The following CFDP1 variants were observed in gnomAD, a reference collection of about 807,000 sequenced individuals.
The protein encoded by CFDP1 is chromatin remodeling protein CFDP1.
A neutral mutation model predicts 40.1 loss-of-function variants in CFDP1; 31 were observed. The observed-to-expected ratio is 0.77, with a 90% CI of 0.58 to 1.04. The LOEUF (loss-of-function observed/expected upper bound fraction) is 1.04, where lower values mean the gene tolerates loss of function less well. CFDP1 is among the 50% of genes least tolerant of loss of function. CFDP1 has a pLI of 0.00. For missense variants in CFDP1, 423 were observed against 343.4 expected, an observed-to-expected ratio of 1.23 and a Z score of -1.83; for synonymous variants, 167 against 120.0, an observed-to-expected ratio of 1.39 and a Z score of -2.56.
chr16:75,296,320 C>T (rs1265894380), intron 6 of CFDP1, among the ~76,000 whole-genome samples: 2 of 152,140 alleles, frequency 1.3e-5, no homozygotes, highest in African/African-American at 4.8e-5. Flanking sequence ...TCACTGCAGC[C>T]TCGACCTCTC....
chr16:75,414,642 C>T lies in CFDP1; in HGVS notation c.118G>A (p.Asp40Asn), dbSNP rs759527116. The T allele has an allele frequency of 6.2e-7, 1 of 1,613,858 alleles. No homozygotes were observed. Among genetic ancestry groups the T allele is most frequent in the Non-Finnish European group, 8.5e-7 (1 of 1,179,860 alleles). Residue 40 changes from aspartate to asparagine, a missense_variant, in exon 2 of 7, where the codon GAT becomes AAT. By Grantham distance (23) the Asp-to-Asn change is conservative. Coordinates refer to ENST00000283882, the MANE Select transcript of CFDP1 (RefSeq NM_006324.3). ...GTTTTCTGTGTCTGCTCTTCACCAT[C>T]CACTTCATCTTCCTTCACTAATTCA... ...VNELVKEDEV[D>N]GEEQTQKTQG...
At chr16:75,415,043 G>A (rs945217526) in intron 1 of CFDP1, among the ~76,000 whole-genome samples, 1 of 152,170 alleles carries the variant, frequency 6.6e-6, no homozygotes, top group Non-Finnish European at 1.5e-5. Flanking sequence ...ATGAGTGAAT[G>A]AACAGAAATT....
At chr16:75,361,849 G>T (rs2078681502) in intron 5 of CFDP1, among the ~76,000 whole-genome samples, 1 of 152,102 alleles carries the variant, frequency 6.6e-6, no homozygotes, top group Non-Finnish European at 1.5e-5. Flanking sequence ...TTGGGTCCCA[G>T]GTTTCCTTGT....
At chr16:75,301,283 T>C (rs1433051459) in intron 6 of CFDP1, among the ~76,000 whole-genome samples, 1 of 152,184 alleles carries the variant, frequency 6.6e-6, no homozygotes, top group Non-Finnish European at 1.5e-5. Flanking sequence ...ATTTGAATTG[T>C]TTATTGTAAA....
intron 1 of CFDP1, among the ~76,000 whole-genome samples, chr16:75,421,040 G>C (rs1051902585): frequency 1.3e-5 from 2 of 152,168 alleles, no homozygotes; most frequent in Non-Finnish European, 2.9e-5. Flanking sequence ...TTAATAATGA[G>C]ACAGCCATGT....
chr16:75,382,057 G>C (rs2078856975), intron 5 of CFDP1, among the ~76,000 whole-genome samples: 2 of 151,450 alleles, frequency 1.3e-5, no homozygotes, highest in Non-Finnish European at 2.9e-5. Flanking sequence ...AGAGGTTGTA[G>C]TGAGCTGAGA....
intron 1 of CFDP1, among the ~76,000 whole-genome samples, chr16:75,422,406 T>C (rs12934767): frequency 0.49 from 72,866 of 147,354 alleles, 19,360 homozygotes; most frequent in Admixed American, 0.63. Context: ...CTTTTTTTTT[T>C]TTTTTTTTTT....
intron 5 of CFDP1, among the ~76,000 whole-genome samples, chr16:75,343,859 T>C (rs2151521644): frequency 6.6e-6 from 1 of 152,362 alleles, no homozygotes; most frequent in South Asian, 2.1e-4. Flanking sequence ...GATCTGGTAG[T>C]TGAGTAGACG....
chr16:75,357,234 T>A (rs1567655784), intron 5 of CFDP1, among the ~76,000 whole-genome samples: 1 of 151,976 alleles, frequency 6.6e-6, no homozygotes, highest in Non-Finnish European at 1.5e-5. Context: ...TCTTTCTTTT[T>A]TAAAATTATT....
At position 75,381,260 on chromosome 16, in the gene CFDP1, T is replaced by TG. The variant is rs1420232523; in HGVS notation, c.650+13829dup. The TG allele has an allele frequency of 3.3e-5, 5 of 152,248 alleles. No homozygotes were observed. The East Asian group carries it at 9.6e-4, about 29-fold the overall frequency. The allele number at this position is 152,248 out of a possible 1,614,324, so 9.4% of individuals were successfully genotyped here. ...GGGAGGAATGCCTGAAGGCAGGAGTTGGAGACCAGCCTGGGTAACAAAGTG... is the reference window on the plus strand; with the variant it reads ...GGGAGGAATGCCTGAAGGCAGGAGTTGGGAGACCAGCCTGGGTAACAAAGTG... On this transcript the variant is annotated intron_variant, in intron 5 of 6. Transcript: ENST00000283882.
At chr16:75,362,135 G>A (rs752258131) in intron 5 of CFDP1, among the ~76,000 whole-genome samples, 2 of 152,170 alleles carry the variant, frequency 1.3e-5, no homozygotes, top group Admixed American at 6.5e-5. Flanking sequence ...TAAGTCAGAC[G>A]GGACAGTCCT....
intron 6 of CFDP1, among the ~76,000 whole-genome samples, chr16:75,299,144 G>C (rs1204271563): frequency 6.6e-6 from 1 of 152,180 alleles, no homozygotes; most frequent in African/African-American, 2.4e-5. Context: ...GGCCCTGGGA[G>C]TCTGGAGCTC....
intron 1 of CFDP1, among the ~76,000 whole-genome samples, chr16:75,427,199 A>G (rs1200156723): frequency 6.6e-6 from 1 of 152,208 alleles, no homozygotes; most frequent in Non-Finnish European, 1.5e-5. Context: ...GGAACATGAA[A>G]AGAGCATCAA....
Position 75,343,872 on chromosome 16 carries a change from G to T in CFDP1, c.651-38690C>A, listed in dbSNP as rs73617857. ...ATGATCTGGTAGTTGAGTAGACGGGGCAATACATAAGCATGCGACATTTTA... is the reference window on the plus strand; with the variant it reads ...ATGATCTGGTAGTTGAGTAGACGGGTCAATACATAAGCATGCGACATTTTA... On this transcript the variant is annotated intron_variant, in intron 5 of 6. Coordinates refer to ENST00000283882, the MANE Select transcript of CFDP1 (RefSeq NM_006324.3). 4.3e-3 allele frequency among the ~76,000 whole-genome samples: 656 copies of T among 152,284 alleles called. 1 individual carries two copies. Among genetic ancestry groups the T allele is most frequent in the African/African-American group, 0.015 (632 of 41,556 alleles).
chr16:75,385,022 C>T (rs2078883607), intron 5 of CFDP1, among the ~76,000 whole-genome samples: 2 of 151,028 alleles, frequency 1.3e-5, no homozygotes, highest in Non-Finnish European at 3.0e-5. Flanking sequence ...TTAACTTATT[C>T]TTAATTTATT....
chr16:75,309,586 C>T lies in CFDP1; in HGVS notation c.651-4404G>A, dbSNP rs374417176. Among the ~76,000 whole-genome samples, 35 of 152,132 alleles carry T rather than the reference C, an allele frequency of 2.3e-4. 1 individual carries two copies. Among genetic ancestry groups the T allele is most frequent in the Admixed American group, 1.0e-3 (16 of 15,280 alleles). On this transcript the variant is annotated intron_variant, in intron 5 of 6. Transcript: ENST00000283882. The stretch of plus-strand genomic sequence containing the variant: ...CTGTAATCCCAGCACTTTGGGAAGC[C>T]GAGGCGGGCGGATCACAAGGTCAGG...
At chr16:75,318,056 G>A (rs986020449) in intron 5 of CFDP1, among the ~76,000 whole-genome samples, 37 of 152,126 alleles carry the variant, frequency 2.4e-4, no homozygotes, top group Non-Finnish European at 5.0e-4. Context: ...GGGAGGCAGA[G>A]GTTGCAGTGT....
At chr16:75,425,390 CAA>C (rs34282121) in intron 1 of CFDP1, among the ~76,000 whole-genome samples, 1,039 of 98,868 alleles carry the variant, frequency 0.011, 13 homozygotes, top group Admixed American at 0.042. Context: ...CCATCCCCCT[CAA>C]AAAAAAAAAA....
At chr16:75,331,422 T>C (rs2078445273) in intron 5 of CFDP1, among the ~76,000 whole-genome samples, 1 of 152,082 alleles carries the variant, frequency 6.6e-6, no homozygotes, top group South Asian at 2.1e-4. Context: ...CAGCCTGAAA[T>C]GCACAGATTA....
Sources: allele counts gnomAD v4.1 joint callset (sites outside exome capture counted in the v4.1 genomes callset), GRCh38; gene constraint gnomAD v4.1.1; transcripts MANE v1.5; gene names NCBI Gene and HGNC (gene_info 2026-07-23, HGNC 2026-07-21).